The following NCALD variants were observed in gnomAD, a reference collection of about 807,000 sequenced individuals.
The protein encoded by NCALD is neurocalcin delta.
In NCALD, 10 loss-of-function variants were observed where a neutral mutation model predicts 18.6. The observed-to-expected ratio is 0.54, with a 90% confidence interval of 0.33 to 0.91. NCALD has a LOEUF of 0.91. Ranked by LOEUF, NCALD falls within the 40% of genes least tolerant of loss-of-function variation. NCALD has a pLI of 0.03. For missense variants in NCALD, 184 were observed against 247.6 expected (o/e 0.74, Z 1.72); for synonymous variants, 88 against 87.4 (o/e 1.01, Z -0.04).
At chr8:101,763,778 TC>T (rs1458045106) in intron 1 of NCALD, among the ~76,000 whole-genome samples, 1 of 152,110 alleles carries the variant, frequency 6.6e-6, no homozygotes, top group African/African-American at 2.4e-5. Context: ...TTGGCTTTTT[TC>T]TTGCCTTCAG....
At chr8:101,814,729 C>T (rs1314641402) in intron 4 of NCALD, among the ~76,000 whole-genome samples, 1 of 152,036 alleles carries the variant, frequency 6.6e-6, no homozygotes, top group East Asian at 1.9e-4. Flanking sequence ...AATCAAAAAA[C>T]TCCTGTACTA....
intron 1 of NCALD, among the ~76,000 whole-genome samples, chr8:102,122,357 C>G (rs117025574): frequency 6.6e-6 from 1 of 152,288 alleles, no homozygotes; most frequent in East Asian, 1.9e-4. Flanking sequence ...CAGAAAACCT[C>G]TAAAGGAAAT....
intron 4 of NCALD, among the ~76,000 whole-genome samples, chr8:101,882,921 A>C (rs1015035777): frequency 2.0e-5 from 3 of 151,992 alleles, no homozygotes; most frequent in African/African-American, 7.3e-5. Context: ...GGCTTTAAGA[A>C]GCAATATGAA....
intron 1 of NCALD, among the ~76,000 whole-genome samples, chr8:102,061,351 C>T (rs957652565): frequency 6.6e-6 from 1 of 152,168 alleles, no homozygotes; most frequent in African/African-American, 2.4e-5. Context: ...CAGCCCTGGA[C>T]CACTGACATT....
In NCALD at chr8:101,716,926, G is replaced by T. The variant is rs556100343; in HGVS notation, c.378+2326C>A. ...AAGAGGGCCATCGGCCAAGGAACTC[G>T]GGAAGCTTCTAGAATCGGGGAAAGG... On this transcript the variant is annotated intron_variant, in intron 2 of 3. Transcript: ENST00000220931. Among the ~76,000 whole-genome samples, 24 of 152,252 alleles carry T rather than the reference G, an allele frequency of 1.6e-4. 1 individual carries two copies. The highest frequency in any genetic ancestry group is 5.3e-4 in the African/African-American group (22 of 41,536).
At chr8:102,076,402 C>T (rs1253344086) in intron 1 of NCALD, among the ~76,000 whole-genome samples, 5 of 152,084 alleles carry the variant, frequency 3.3e-5, no homozygotes, top group African/African-American at 7.2e-5. Context: ...CTGCCTGTAC[C>T]GGTTATAACA....
At chr8:101,895,285 G>C (rs1264969) in intron 3 of NCALD, among the ~76,000 whole-genome samples, 12,189 of 93,784 alleles carry the variant, frequency 0.13, 1,555 homozygotes, top group African/African-American at 0.3. Context: ...TCAATAGATG[G>C]AGAAAAAGCC....
chr8:102,108,942 C>A (rs1282166542), intron 1 of NCALD, among the ~76,000 whole-genome samples: 1 of 152,248 alleles, frequency 6.6e-6, no homozygotes, highest in East Asian at 1.9e-4. Flanking sequence ...AATAACCATG[C>A]GTGAATCATT....
chr8:102,019,361 TTGATAGTA>T (rs1232047517), intron 2 of NCALD, among the ~76,000 whole-genome samples: 1 of 152,138 alleles, frequency 6.6e-6, no homozygotes, highest in Non-Finnish European at 1.5e-5. Flanking sequence ...TGAAAACTGT[TTGATAGTA>T]TCTACTAAAG....
At chr8:101,758,549 T>G (rs945611223) in intron 1 of NCALD, among the ~76,000 whole-genome samples, 3 of 152,236 alleles carry the variant, frequency 2.0e-5, no homozygotes, top group African/African-American at 7.2e-5. Context: ...CCATGAATTA[T>G]GGCAGATCCA....
At chr8:101,802,604 T>C (rs111355925) in intron 4 of NCALD, among the ~76,000 whole-genome samples, 2 of 151,992 alleles carry the variant, frequency 1.3e-5, no homozygotes, top group Non-Finnish European at 2.9e-5. Context: ...AACAGCTTTA[T>C]GTTCATATGT....
At chr8:101,704,302 G>A (rs961278619) in intron 2 of NCALD, among the ~76,000 whole-genome samples, 1 of 152,070 alleles carries the variant, frequency 6.6e-6, no homozygotes, top group African/African-American at 2.4e-5. Context: ...CAATCTACTT[G>A]AAATTAACAA....
At position 101,982,076 on chromosome 8, in the gene NCALD, C is replaced by T. The variant is rs1820640334; in HGVS notation, c.-157+38161G>A. On this transcript the variant is annotated intron_variant, in intron 2 of 6. Coordinates refer to the NCALD transcript ENST00000311028. ...GCTCCCACTCTCATCATATGATGTG[C>T]TTGCTCCCCCTGTACCGTCCACCAT... Among the ~76,000 whole-genome samples, 3 of 152,178 alleles carry T rather than the reference C, an allele frequency of 2.0e-5. No individual in the cohort carries two copies. In the South Asian group the frequency reaches 6.2e-4, roughly 32 times the overall value.
chr8:101,824,528 G>T (rs1364037528), intron 4 of NCALD, among the ~76,000 whole-genome samples: 2 of 150,770 alleles, frequency 1.3e-5, no homozygotes, highest in African/African-American at 4.9e-5. Context: ...TCAATAAAAT[G>T]TGTTCAATAA....
chr8:101,965,274 A>T (rs947036786), intron 2 of NCALD, among the ~76,000 whole-genome samples: 3 of 152,202 alleles, frequency 2.0e-5, no homozygotes, highest in Non-Finnish European at 2.9e-5. Context: ...GTATATATCC[A>T]AAGGATTATA....
chr8:101,749,975 A>G (rs1490727877), intron 1 of NCALD: 1 of 152,560 alleles, frequency 6.6e-6, no homozygotes, highest in African/African-American at 2.4e-5. Context: ...AGACTGGGTC[A>G]TCTATAAAGG....
chr8:101,732,800 T>A (rs1816900822), intron 1 of NCALD, among the ~76,000 whole-genome samples: 1 of 151,982 alleles, frequency 6.6e-6, no homozygotes, highest in Non-Finnish European at 1.5e-5. Flanking sequence ...GACGGGTTTT[T>A]GGCATGTTGA....
chr8:101,853,610 A>T (rs1296743346), intron 4 of NCALD, among the ~76,000 whole-genome samples: 1 of 152,196 alleles, frequency 6.6e-6, no homozygotes, highest in Non-Finnish European at 1.5e-5. Context: ...ACAAGAAGAA[A>T]CAAATGACTA....
chr8:102,085,752 TAA>T lies in NCALD; in HGVS notation c.-210+38483_-210+38484del, dbSNP rs35138208. Among the ~76,000 whole-genome samples, 1,300 of 140,490 alleles carry T rather than the reference TAA, an allele frequency of 9.3e-3. 27 individuals are homozygous for T. Among genetic ancestry groups the T allele is most frequent in the African/African-American group, 0.031 (1,181 of 38,500 alleles). The allele number at this position is 140,490 out of a possible 152,430, so 92.2% of individuals were successfully genotyped here. A position where few individuals can be genotyped will look rare whatever the true frequency, so the allele number is the denominator to read the frequency against. On this transcript the variant is annotated intron_variant, in intron 1 of 6. Coordinates refer to the NCALD transcript ENST00000311028. ...CTGGGTGACAGCAAGACTCTGTCTT[TAA>T]AAAAAAAAAAAAAAGTATCTAGTGG...
Sources: gnomAD v4.1 joint callset for allele counts (sites outside exome capture counted in the v4.1 genomes callset) on GRCh38, gnomAD v4.1.1 for gene constraint, MANE v1.5 for transcripts, NCBI Gene and HGNC (gene_info 2026-07-23, HGNC 2026-07-21) for gene names.